Variants in CDH12 observed in about 807,000 individuals in gnomAD.
The protein encoded by CDH12 is cadherin-12.
In CDH12, 41 loss-of-function variants were observed where a neutral mutation model predicts 74.1. The observed-to-expected ratio is 0.55, with a 90% CI of 0.43 to 0.72. CDH12 has a LOEUF of 0.72. Among genes scored for constraint, CDH12 ranks in the 30% least tolerant of loss-of-function variants. CDH12 has a pLI of 0.00. For missense variants in CDH12, 945 were observed against 977.2 expected (o/e 0.97, Z 0.44); for synonymous variants, 399 against 355.0 (o/e 1.12, Z -1.39).
At chr5:22,504,878 C>T (rs939183151) in intron 2 of CDH12, among the ~76,000 whole-genome samples, 19 of 151,822 alleles carry the variant, frequency 1.3e-4, no homozygotes, top group Admixed American at 2.6e-4. Flanking sequence ...AAATAATACC[C>T]GCTAATTATG....
At chr5:22,221,482 T>C (rs1477244435) in intron 3 of CDH12, among the ~76,000 whole-genome samples, 1 of 151,934 alleles carries the variant, frequency 6.6e-6, no homozygotes, top group Non-Finnish European at 1.5e-5. Flanking sequence ...ATCCACAATA[T>C]CTTTATCACA....
chr5:22,263,202 C>T (rs1416270501), intron 3 of CDH12, among the ~76,000 whole-genome samples: 1 of 151,988 alleles, frequency 6.6e-6, no homozygotes, highest in Non-Finnish European at 1.5e-5. Flanking sequence ...TTATTGGATC[C>T]AGAAATTAAG....
At chr5:22,183,347 A>C (rs1446551803) in intron 4 of CDH12, among the ~76,000 whole-genome samples, 1 of 152,220 alleles carries the variant, frequency 6.6e-6, no homozygotes, top group Non-Finnish European at 1.5e-5. Flanking sequence ...GGAGCTAGAC[A>C]GGCAGCTATA....
chr5:22,425,754 AG>A (rs1743904557), intron 2 of CDH12, among the ~76,000 whole-genome samples: 1 of 152,250 alleles, frequency 6.6e-6, no homozygotes, highest in East Asian at 1.9e-4. Context: ...GTTTATTTAA[AG>A]GTAAGAATAT....
rs986791306 is a variant in CDH12 at position 22,847,826 on chromosome 5, C to T, written c.-523+5232G>A. On this transcript the variant is annotated intron_variant, in intron 1 of 14. Transcript: ENST00000382254. The stretch of plus-strand genomic sequence containing the variant: ...CATGTTCACTAAAACTTTAATCCAT[C>T]ATTTAATTCCCTTTTACTGTATGAT... Among the ~76,000 whole-genome samples, 14 of 152,082 alleles carry T rather than the reference C, an allele frequency of 9.2e-5. No individual in the cohort carries two copies. In the East Asian group the frequency reaches 2.7e-3, roughly 29 times the overall value.
At chr5:22,760,494 C>T (rs1001166685) in intron 1 of CDH12, among the ~76,000 whole-genome samples, 6 of 151,908 alleles carry the variant, frequency 3.9e-5, no homozygotes, top group Admixed American at 6.6e-5. Flanking sequence ...GCCTGGCCAA[C>T]ATGATGAAAC....
chr5:21,950,874 C>T (rs1406120321), intron 6 of CDH12, among the ~76,000 whole-genome samples: 1 of 151,104 alleles, frequency 6.6e-6, no homozygotes, highest in Non-Finnish European at 1.5e-5. Context: ...GCAAGCTCCA[C>T]CTCCCAGGTT....
chr5:22,074,879 A>G (rs1742198667), intron 5 of CDH12, among the ~76,000 whole-genome samples: 1 of 152,218 alleles, frequency 6.6e-6, no homozygotes, highest in African/African-American at 2.4e-5. Flanking sequence ...AAACTAGTTC[A>G]ACCATTGTGG....
intron 5 of CDH12, among the ~76,000 whole-genome samples, chr5:22,000,201 A>C (rs1736521882): frequency 6.6e-6 from 1 of 152,172 alleles, no homozygotes; most frequent in Non-Finnish European, 1.5e-5. Context: ...GCCTTAAGCT[A>C]GTCTCTTGCC....
chr5:22,683,450 G>A (rs1178535576), intron 1 of CDH12, among the ~76,000 whole-genome samples: 1 of 152,074 alleles, frequency 6.6e-6, no homozygotes, highest in African/African-American at 2.4e-5. Flanking sequence ...AGCAATAAAA[G>A]GAAGTAAATA....
intron 2 of CDH12, among the ~76,000 whole-genome samples, chr5:22,453,227 T>C (rs999149195): frequency 1.3e-5 from 2 of 152,100 alleles, no homozygotes; most frequent in Non-Finnish European, 2.9e-5. Context: ...ACAATTTCAC[T>C]CCTGGGTATT....
Position 21,751,960 on chromosome 5 carries a change from A to G in CDH12, c.2162T>C (p.Leu721Pro), listed in dbSNP as rs763091786. The part of the protein sequence containing the change: ...TDIRDFIHQR[L>P]QENDVDPTAP... ...AGTTGGATCCACATCATTTTCCTGT[A>G]GCCTTTGATGAATGAAATCCCTTAT... is the stretch of plus-strand genomic sequence containing the variant. Residue 721 changes from leucine (L) to proline (P), a missense_variant, in exon 15 of 15, where the codon CTA (leucine) becomes CCA (proline). Leu to Pro is a moderately conservative substitution (Grantham distance 98, BLOSUM62 -3). Around this residue, in one of 3 missense-constraint regions of CDH12, gnomAD observed 791 missense variants for 792.8 expected, o/e 1.00. Coordinates refer to ENST00000382254, the MANE Select transcript of CDH12 (RefSeq NM_004061.5). The G allele has an allele frequency of 6.2e-7, 1 of 1,614,048 alleles. No individual in the cohort carries two copies.
intron 1 of CDH12, among the ~76,000 whole-genome samples, chr5:22,729,775 T>C (rs1744340313): frequency 6.6e-6 from 1 of 151,944 alleles, no homozygotes; most frequent in African/African-American, 2.4e-5. Flanking sequence ...CAGGTAAGAA[T>C]GCCAGCCTAT....
At chr5:21,819,012 A>C (rs1313525960) in intron 8 of CDH12, among the ~76,000 whole-genome samples, 1 of 152,008 alleles carries the variant, frequency 6.6e-6, no homozygotes, top group Non-Finnish European at 1.5e-5. Flanking sequence ...GGGATGCTTA[A>C]TGTTTGCTGA....
chr5:22,269,769 C>T (rs1010617403), intron 3 of CDH12, among the ~76,000 whole-genome samples: 1 of 152,100 alleles, frequency 6.6e-6, no homozygotes, highest in Non-Finnish European at 1.5e-5. Flanking sequence ...ATAATTTATA[C>T]TTTTATATTA....
intron 3 of CDH12, among the ~76,000 whole-genome samples, chr5:22,262,564 C>T (rs1181530457): frequency 5.3e-5 from 8 of 150,808 alleles, no homozygotes; most frequent in East Asian, 2.0e-4. Context: ...TGAATAGTGC[C>T]GCAATAAACA....
chr5:22,045,240 A>G (rs1739855320), intron 5 of CDH12, among the ~76,000 whole-genome samples: 1 of 152,166 alleles, frequency 6.6e-6, no homozygotes, highest in South Asian at 2.1e-4. Context: ...CCATAATAAG[A>G]TTGCACCTTA....
At position 21,822,262 on chromosome 5, in the gene CDH12, A is replaced by C. The variant is rs545770758; in HGVS notation, c.815-5130T>G. 4.6e-5 allele frequency among the ~76,000 whole-genome samples: 7 copies of C among 151,726 alleles called. No individual in the cohort carries two copies. In the East Asian group the frequency reaches 1.4e-3, roughly 29 times the overall value. ...TAATATTTGTATATAATATTTGTAT[A>C]GTCTATATGTATTATAATTTTTCCT... On this transcript the variant is annotated intron_variant, in intron 8 of 14. Coordinates refer to ENST00000382254, the MANE Select transcript of CDH12 (RefSeq NM_004061.5).
At chr5:22,294,864 T>G (rs543695458) in intron 3 of CDH12, among the ~76,000 whole-genome samples, 1 of 152,324 alleles carries the variant, frequency 6.6e-6, no homozygotes, top group East Asian at 1.9e-4. Context: ...TAATCTTCTC[T>G]TAGCCTCTTG....
Sources: allele counts gnomAD v4.1 joint callset (sites outside exome capture counted in the v4.1 genomes callset), GRCh38; gene constraint gnomAD v4.1.1; regional missense constraint gnomAD v4.1.1; transcripts MANE v1.5; gene names NCBI Gene and HGNC (gene_info 2026-07-23, HGNC 2026-07-21).